PTPRG: variants seen among roughly 807,000 people sequenced by gnomAD.
The protein encoded by PTPRG is protein tyrosine phosphatase receptor type G, also known as receptor-type tyrosine-protein phosphatase gamma.
Under a neutral mutation model 165.3 loss-of-function variants are expected in PTPRG, and 102 were observed. That is an observed-to-expected ratio of 0.62 (90% confidence interval 0.53 to 0.73). PTPRG has a LOEUF of 0.73. PTPRG is among the 30% of genes least tolerant of loss of function. The pLI is 0.00. For missense variants in PTPRG, 1,866 were observed against 1,861.4 expected (o/e 1.00, Z -0.05); for synonymous variants, 675 against 669.5 (o/e 1.01, Z -0.13).
intron 1 of PTPRG, among the ~76,000 whole-genome samples, chr3:61,721,638 A>G (rs1229872224): frequency 6.6e-6 from 1 of 152,122 alleles, no homozygotes; most frequent in African/African-American, 2.4e-5. Flanking sequence ...CATGTCCTGC[A>G]TATTTTCCTA....
At chr3:62,067,251 CTTTTCT>C (rs1403960723) in intron 4 of PTPRG, among the ~76,000 whole-genome samples, 2 of 87,684 alleles carry the variant, frequency 2.3e-5, no homozygotes, top group Admixed American at 1.2e-4. Context: ...GTGGATAATT[CTTTTCT>C]TTTTTTTTTT....
intron 2 of PTPRG, among the ~76,000 whole-genome samples, chr3:61,853,008 T>G (rs1361603400): frequency 6.6e-6 from 1 of 152,212 alleles, no homozygotes; most frequent in African/African-American, 2.4e-5. Context: ...TAAATTCCAT[T>G]TATTGAATGA....
chr3:61,711,435 G>GT (rs1433489476), intron 1 of PTPRG, among the ~76,000 whole-genome samples: 1 of 152,160 alleles, frequency 6.6e-6, no homozygotes, highest in Non-Finnish European at 1.5e-5. Flanking sequence ...AGCATCTGTT[G>GT]TTTCCTGACT....
At chr3:61,830,572 T>TTTTTG (rs2036254866) in intron 2 of PTPRG, among the ~76,000 whole-genome samples, 1 of 55,368 alleles carries the variant, frequency 1.8e-5, no homozygotes, top group Non-Finnish European at 3.4e-5. Flanking sequence ...TTTTGTTTTT[T>TTTTTG]TTTTTTTTTT....
intron 1 of PTPRG, chr3:61,742,479 C>T (rs2033031384): frequency 9.4e-6 from 15 of 1,593,860 alleles, no homozygotes; most frequent in South Asian, 2.2e-5. Flanking sequence ...GGGGCTTGCC[C>T]ATGGTGCTCT....
chr3:62,058,714 T>A lies in PTPRG; in HGVS notation c.520-19449T>A, dbSNP rs550296177. Reference sequence around the variant, plus strand: ...ACCCAAGTAGGCAGTAGGGACCAGGTTGAATTCAGTGTTGATAACAGCATC... The same window carrying A: ...ACCCAAGTAGGCAGTAGGGACCAGGATGAATTCAGTGTTGATAACAGCATC... On this transcript the variant is annotated intron_variant, in intron 4 of 29. Coordinates refer to ENST00000474889, the MANE Select transcript of PTPRG (RefSeq NM_002841.4). Among the ~76,000 whole-genome samples the A allele has an allele frequency of 3.3e-5, 5 of 152,156 alleles. No individual in the cohort carries two copies. The South Asian group carries it at 8.3e-4, about 25-fold the overall frequency.
At chr3:61,844,883 G>T (rs937456530) in intron 2 of PTPRG, among the ~76,000 whole-genome samples, 1 of 152,122 alleles carries the variant, frequency 6.6e-6, no homozygotes, top group Non-Finnish European at 1.5e-5. Context: ...ACATTGAATG[G>T]TTAGATAGTA....
chr3:61,664,033 A>G (rs528647620), intron 1 of PTPRG, among the ~76,000 whole-genome samples: 11 of 152,322 alleles, frequency 7.2e-5, no homozygotes, highest in African/African-American at 2.6e-4. Context: ...CTCAGAATCC[A>G]TTCTTGTTAT....
chr3:61,792,788 G>A (rs1423502371), intron 2 of PTPRG, among the ~76,000 whole-genome samples: 2 of 151,016 alleles, frequency 1.3e-5, no homozygotes, highest in Non-Finnish European at 2.9e-5. Flanking sequence ...GAGTGCAGTG[G>A]CGTGATCTCG....
chr3:62,115,257 C>T (rs1702817804), intron 5 of PTPRG, among the ~76,000 whole-genome samples: 1 of 152,094 alleles, frequency 6.6e-6, no homozygotes, highest in Non-Finnish European at 1.5e-5. Context: ...CATAGATAAC[C>T]TTCCTATTGG....
intron 2 of PTPRG, among the ~76,000 whole-genome samples, chr3:61,763,065 C>G (rs919479121): frequency 6.6e-6 from 1 of 152,100 alleles, no homozygotes; most frequent in Non-Finnish European, 1.5e-5. Context: ...GGTGAATCAG[C>G]CTTCATATTT....
chr3:62,156,726 A>G (rs778745123), intron 6 of PTPRG, among the ~76,000 whole-genome samples: 6 of 152,182 alleles, frequency 3.9e-5, no homozygotes, highest in South Asian at 4.1e-4. Flanking sequence ...AGTCAAGCCC[A>G]TTTCTTTTCT....
intron 2 of PTPRG, among the ~76,000 whole-genome samples, chr3:61,825,617 T>C (rs1325270668): frequency 2.0e-5 from 3 of 151,918 alleles, no homozygotes; most frequent in Non-Finnish European, 4.4e-5. Flanking sequence ...GATAAGGTCT[T>C]AGTTCTACCA....
intron 2 of PTPRG, among the ~76,000 whole-genome samples, chr3:61,878,574 G>A (rs940436910): frequency 6.6e-6 from 1 of 152,094 alleles, no homozygotes; most frequent in African/African-American, 2.4e-5. Context: ...GCTCACTGTA[G>A]CCTCAACCTC....
intron 2 of PTPRG, among the ~76,000 whole-genome samples, chr3:61,820,982 T>C (rs924214905): frequency 6.6e-6 from 1 of 152,158 alleles, no homozygotes; most frequent in Non-Finnish European, 1.5e-5. Flanking sequence ...CCTTTCCTTA[T>C]CCAGGATTTT....
intron 5 of PTPRG, among the ~76,000 whole-genome samples, chr3:62,119,158 T>C (rs566699761): frequency 2.6e-5 from 4 of 152,052 alleles, no homozygotes; most frequent in Non-Finnish European, 5.9e-5. Flanking sequence ...AGGAGAGAGG[T>C]TGTGTTACAG....
chr3:61,797,915 A>AG (rs2035103904), intron 2 of PTPRG, among the ~76,000 whole-genome samples: 1 of 151,782 alleles, frequency 6.6e-6, no homozygotes, highest in South Asian at 2.1e-4. Context: ...AAAAATGAAA[A>AG]AAACAAGAAG....
intron 9 of PTPRG, among the ~76,000 whole-genome samples, chr3:62,193,884 A>G (rs952971969): frequency 1.3e-5 from 2 of 152,250 alleles, no homozygotes; most frequent in African/African-American, 4.8e-5. Context: ...CAACTCATCT[A>G]TTAAGAAGAG....
At chr3:61,960,139 C>G (rs1559714351) in intron 2 of PTPRG, among the ~76,000 whole-genome samples, 1 of 152,040 alleles carries the variant, frequency 6.6e-6, no homozygotes, top group Admixed American at 6.6e-5. Context: ...TGCATTTACA[C>G]AAGTTTGTGT....
Sources: gnomAD v4.1 joint callset for allele counts (sites outside exome capture counted in the v4.1 genomes callset) on GRCh38, gnomAD v4.1.1 for gene constraint, MANE v1.5 for transcripts, NCBI Gene and HGNC (gene_info 2026-07-23, HGNC 2026-07-21) for gene names.